Variants in RALB observed in about 807,000 individuals in gnomAD.
RALB encodes the protein RAS like proto-oncogene B.
RALB carries 16 observed loss-of-function variants against 21.3 expected under a neutral mutation model. That is an observed-to-expected ratio of 0.75 (90% CI 0.51 to 1.14). RALB has a LOEUF of 1.14. Among genes scored for constraint, RALB ranks in the 50% most tolerant of loss-of-function variants. The pLI is 0.00. For synonymous variants in RALB, 93 were observed against 96.1 expected, an observed-to-expected ratio of 0.97 and a Z score of 0.19; for missense variants, 161 against 256.2, an observed-to-expected ratio of 0.63 and a Z score of 2.54.
intron 1 of RALB, among the ~76,000 whole-genome samples, chr2:120,241,343 G>A (rs1303702271): frequency 6.6e-6 from 1 of 152,202 alleles, no homozygotes; most frequent in Non-Finnish European, 1.5e-5. Context: ...AAGATCCATG[G>A]AGTGCCTGCT....
intron 1 of RALB, among the ~76,000 whole-genome samples, chr2:120,247,365 C>G (rs181325470): frequency 1.3e-3 from 193 of 152,248 alleles, no homozygotes; most frequent in African/African-American, 4.4e-3. Flanking sequence ...TCCCAAGTAG[C>G]TTTGTTCCTG....
upstream of RALB, among the ~76,000 whole-genome samples, chr2:120,248,212 G>A (rs909539437): frequency 1.3e-5 from 2 of 152,054 alleles, no homozygotes; most frequent in Admixed American, 6.6e-5. Context: ...TAATTGATGC[G>A]GTTACCAAAG....
In RALB at chr2:120,247,336, G is replaced by GT. The variant is rs947659385; in HGVS notation, c.19+7218dup. 9.2e-5 allele frequency among the ~76,000 whole-genome samples: 14 copies of GT among 152,312 alleles called. No individual in the cohort carries two copies. The East Asian group carries it at 1.5e-3, about 17-fold the overall frequency. ...TTAAAATTGAAATTGAGATGCATGG[G>GT]TTTTTTTCCTAATGTGTTTCCCAAG... On this transcript the variant is annotated intron_variant, in intron 1 of 3. Coordinates refer to the RALB transcript ENST00000447591.
rs771859106 is a variant in RALB at position 120,289,592 on chromosome 2, C to T, written c.336C>T (p.Leu112=). 1 of 1,613,830 alleles carries T rather than the reference C, an allele frequency of 6.2e-7. No individual in the cohort carries two copies. The highest frequency in any genetic ancestry group is 1.1e-5 in the South Asian group (1 of 91,050). Residue 112 remains leucine (L), a synonymous_variant, in exon 4 of 5, where the codon CTC becomes CTT. Coordinates refer to ENST00000272519, the MANE Select transcript of RALB (RefSeq NM_002881.3). ...TATAEFREQI[L]RVKAEEDKIP... The stretch of plus-strand genomic sequence containing the variant: ...TGTAACACCTTAGGGAACAGATTCT[C>T]CGTGTGAAGGCTGAAGAAGATAAAA...
chr2:120,259,089 G>C (rs550331225), intron 1 of RALB, among the ~76,000 whole-genome samples: 12 of 152,300 alleles, frequency 7.9e-5, no homozygotes, highest in African/African-American at 2.9e-4. Flanking sequence ...CGGGAGTGAA[G>C]CTGCAGATCT....
intron 2 of RALB, among the ~76,000 whole-genome samples, chr2:120,279,681 C>T (rs1215126315): frequency 6.8e-6 from 1 of 147,416 alleles, no homozygotes; most frequent in Non-Finnish European, 1.5e-5. Flanking sequence ...CTAGGGATAC[C>T]GAGGGATGAC....
chr2:120,244,871 G>C (rs1460007833), intron 1 of RALB, among the ~76,000 whole-genome samples: 2 of 152,236 alleles, frequency 1.3e-5, no homozygotes, highest in East Asian at 3.9e-4. Context: ...CTCTAGGAAA[G>C]TTCCTGGAAG....
At chr2:120,292,981 T>C (rs1690342735) in intron 4 of RALB, among the ~76,000 whole-genome samples, 160 bp from the exon 5 acceptor site, 1 of 152,254 alleles carries the variant, frequency 6.6e-6, no homozygotes, top group African/African-American at 2.4e-5. Flanking sequence ...AAAAATCAGT[T>C]TGACTTTGTG....
At chr2:120,266,284 G>A (rs1238087563) in intron 1 of RALB, among the ~76,000 whole-genome samples, 2 of 152,088 alleles carry the variant, frequency 1.3e-5, no homozygotes, top group South Asian at 2.1e-4. Context: ...TTGCTCTGTC[G>A]CCTGGGCTGG....
At chr2:120,266,843 A>G (rs3889224) in intron 1 of RALB, among the ~76,000 whole-genome samples, 105,410 of 151,892 alleles carry the variant, frequency 0.69, 37,170 homozygotes, top group Middle Eastern at 0.8. Flanking sequence ...TACCAGGCAC[A>G]CTGGGCACAC....
At chr2:120,289,816 C>T (rs1481242051) in intron 4 of RALB, 59 bp downstream of exon 4, 2 of 1,476,010 alleles carry the variant, frequency 1.4e-6, no homozygotes, top group East Asian at 4.9e-5. Context: ...AGAATGGAGG[C>T]ATCTCATCTG....
upstream of RALB, among the ~76,000 whole-genome samples, chr2:120,251,905 T>A (rs1333659211): frequency 1.3e-5 from 2 of 152,174 alleles, no homozygotes; most frequent in African/African-American, 2.4e-5. Context: ...TACATAGCAA[T>A]CTAATCATGG....
At chr2:120,246,050 T>C (rs1178214539) in intron 1 of RALB, among the ~76,000 whole-genome samples, 2 of 152,214 alleles carry the variant, frequency 1.3e-5, no homozygotes, top group Non-Finnish European at 2.9e-5. Context: ...CCACCCCGCA[T>C]TCCTCGAGCC....
chr2:120,261,660 AAC>A (rs758782605), intron 1 of RALB, among the ~76,000 whole-genome samples: 1 of 152,150 alleles, frequency 6.6e-6, no homozygotes, highest in East Asian at 1.9e-4. Flanking sequence ...AGGTGCTGAA[AAC>A]AGTGAGTGAG....
intron 2 of RALB, among the ~76,000 whole-genome samples, chr2:120,285,604 G>A (rs981302519): frequency 2.0e-5 from 3 of 152,020 alleles, no homozygotes; most frequent in African/African-American, 7.3e-5. Flanking sequence ...CCTTGCAGGT[G>A]TTTGCATTAA....
chr2:120,286,895 C>A (rs1019219206), intron 3 of RALB, among the ~76,000 whole-genome samples: 1 of 152,162 alleles, frequency 6.6e-6, no homozygotes, highest in South Asian at 2.1e-4. Context: ...GAAAAAAATA[C>A]CTTCAGTTCA....
rs992887504 is a variant in RALB, at chr2:120,286,100, T to C, written c.323+18T>C. The stretch of plus-strand genomic sequence containing the variant: ...GAATTCAGGTATGTCTGAAATGAAA[T>C]AGCAGAAGCCCCCAGGAAGCTTTTT... On this transcript the variant is annotated intron_variant, in intron 3 of 4. Coordinates refer to ENST00000272519, the MANE Select transcript of RALB (RefSeq NM_002881.3). 1.1e-5 allele frequency: 17 copies of C among 1,610,450 alleles called. No individual in the cohort carries two copies. Among genetic ancestry groups the C allele is most frequent in the Non-Finnish European group, 1.4e-5 (16 of 1,176,874 alleles).
At chr2:120,249,312 C>T (rs540828509), upstream of RALB, among the ~76,000 whole-genome samples, 82 of 152,266 alleles carry the variant, frequency 5.4e-4, no homozygotes, top group African/African-American at 1.9e-3. Flanking sequence ...GAATTACAGG[C>T]GTGAGCCACC....
At chr2:120,253,607 G>A (rs1689118344) in intron 1 of RALB, 2 of 985,416 alleles carry the variant, frequency 2.0e-6, no homozygotes, top group Non-Finnish European at 2.4e-6. Flanking sequence ...GGAGTGTGAG[G>A]TTAACCGTGC....
Sources: allele counts gnomAD v4.1 joint callset (sites outside exome capture counted in the v4.1 genomes callset), GRCh38; gene constraint gnomAD v4.1.1; transcripts MANE v1.5; gene names NCBI Gene and HGNC (gene_info 2026-07-23, HGNC 2026-07-21).